Variants in REL observed in about 807,000 individuals in gnomAD.
The protein encoded by REL is proto-oncogene c-Rel.
REL carries 15 observed loss-of-function variants against 45.9 expected under a neutral mutation model. The ratio of observed to expected loss-of-function variants is 0.33; its 90% CI spans 0.22 to 0.50. REL has a LOEUF of 0.50. REL is among the 20% of genes least tolerant of loss of function. The probability of loss-of-function intolerance (pLI) is 0.98; values close to 1 mark genes in which losing one functional copy is unlikely to be tolerated. For missense variants in REL, 601 were observed against 715.2 expected, an observed-to-expected ratio of 0.84 and a Z score of 1.82; for synonymous variants, 239 against 242.1, an observed-to-expected ratio of 0.99 and a Z score of 0.12.
At chr2:60,921,249 ATTTT>A (rs1249667184) in intron 9 of REL, among the ~76,000 whole-genome samples, 1 of 151,968 alleles carries the variant, frequency 6.6e-6, no homozygotes, top group Non-Finnish European at 1.5e-5. Flanking sequence ...TACAGAATTA[ATTTT>A]TTCTGTAATT....
intron 4 of REL, among the ~76,000 whole-genome samples, chr2:60,904,623 T>C (rs1673592827): frequency 6.7e-6 from 1 of 148,198 alleles, no homozygotes; most frequent in African/African-American, 2.5e-5. Flanking sequence ...CACGGTGTCT[T>C]ATGCCTGTAA....
At chr2:60,909,888 C>A (rs1367838397) in intron 4 of REL, among the ~76,000 whole-genome samples, 1 of 151,830 alleles carries the variant, frequency 6.6e-6, no homozygotes, top group Non-Finnish European at 1.5e-5. Context: ...GGCGACAGAG[C>A]AAGACTCCAT....
chr2:60,895,365 A>G (rs1311901587), intron 3 of REL, among the ~76,000 whole-genome samples: 2 of 151,664 alleles, frequency 1.3e-5, no homozygotes, highest in African/African-American at 4.9e-5. Flanking sequence ...TATTTTTTGT[A>G]GAGATGGGGT....
At chr2:60,919,521 G>T (rs968311284) in intron 7 of REL, among the ~76,000 whole-genome samples, 10 of 152,272 alleles carry the variant, frequency 6.6e-5, no homozygotes, top group African/African-American at 2.4e-4. Context: ...TGCCTCCTGG[G>T]TTCAAGCAAT....
At chr2:60,901,336 A>G (rs955707044) in intron 4 of REL, among the ~76,000 whole-genome samples, 1 of 151,492 alleles carries the variant, frequency 6.6e-6, no homozygotes, top group Non-Finnish European at 1.5e-5. Flanking sequence ...TAATTTTTGT[A>G]TTTTAAGTAG....
intron 2 of REL, among the ~76,000 whole-genome samples, chr2:60,892,285 T>C (rs1396215435): frequency 6.6e-6 from 1 of 152,228 alleles, no homozygotes; most frequent in Admixed American, 6.5e-5. Flanking sequence ...CTTTATTGCT[T>C]GTCTCTGATT....
At position 60,928,147 on chromosome 2, in the gene REL, GTC is replaced by G. The variant is rs1382215396; in HGVS notation, c.*5616_*5617del. 6.6e-6 allele frequency: 1 copy of G among 152,616 alleles called. No homozygotes were observed. Among genetic ancestry groups the G allele is most frequent in the Non-Finnish European group, 1.4e-5 (1 of 73,800 alleles). 9.5% of individuals were successfully genotyped at this position (152,616 alleles called of 1,614,324 possible). On this transcript the variant is annotated 3_prime_UTR_variant, in exon 10 of 10. Coordinates refer to ENST00000394479, the MANE Select transcript of REL (RefSeq NM_001291746.2). ...AGCCTGGGTAATATAAGGAAAACCT[GTC>G]TCTGCAAAAAAAAAAAAAAAAAGAG... is the stretch of plus-strand genomic sequence containing the variant.
At position 60,894,419 on chromosome 2, in the gene REL, G is replaced by T. The variant is rs767728453; in HGVS notation, c.176G>T (p.Gly59Val). 1.3e-6 allele frequency: 2 copies of T among 1,568,184 alleles called. No individual in the cohort carries two copies. Among genetic ancestry groups the T allele is most frequent in the East Asian group, 4.6e-5 (2 of 43,780 alleles). Residue 59 changes from glycine (G) to valine (V), a missense_variant, in exon 3 of 10, where the codon GGA becomes GTA. Around this residue, in one of 4 missense-constraint regions of REL, gnomAD observed 241 missense variants for 347.0 expected, o/e 0.69. Transcript: ENST00000394479. ...CAGATTATGAACTATTATGGAAAAG[G>T]AAAAGTGAGAATTACATTAGTAACA... ...SIQIMNYYGK[G>V]KVRITLVTKN...
chr2:60,890,007 C>G (rs1356930196), intron 1 of REL, among the ~76,000 whole-genome samples: 1 of 152,152 alleles, frequency 6.6e-6, no homozygotes, highest in Non-Finnish European at 1.5e-5. Flanking sequence ...AGTTCTAGAT[C>G]CCTGAGGAAT....
intron 4 of REL, among the ~76,000 whole-genome samples, chr2:60,916,461 A>G (rs1011573839): frequency 6.6e-6 from 1 of 152,210 alleles, no homozygotes; most frequent in Non-Finnish European, 1.5e-5. Context: ...ATGGGGATGA[A>G]AGTAATTCTT....
chr2:60,910,254 A>C (rs1673774355), intron 4 of REL, among the ~76,000 whole-genome samples: 1 of 152,034 alleles, frequency 6.6e-6, no homozygotes, highest in African/African-American at 2.4e-5. Context: ...TCACGAGTTC[A>C]GGAGATCAAG....
At chr2:60,910,349 C>T (rs1178177200) in intron 4 of REL, among the ~76,000 whole-genome samples, 1 of 151,134 alleles carries the variant, frequency 6.6e-6, no homozygotes, top group African/African-American at 2.4e-5. Context: ...CCTGTAGTCC[C>T]AGCTACTCGG....
At chr2:60,887,782 T>C (rs1313155164) in intron 1 of REL, among the ~76,000 whole-genome samples, 1 of 151,738 alleles carries the variant, frequency 6.6e-6, no homozygotes, top group Admixed American at 6.6e-5. Context: ...CTCAATATTA[T>C]ATGATAACTG....
At chr2:60,889,561 C>T (rs1673156665) in intron 1 of REL, among the ~76,000 whole-genome samples, 1 of 151,886 alleles carries the variant, frequency 6.6e-6, no homozygotes, top group African/African-American at 2.4e-5. Flanking sequence ...TGTGCTGCAC[C>T]CATTAACTTG....
intron 4 of REL, among the ~76,000 whole-genome samples, chr2:60,914,057 T>C (rs551352037): frequency 2.0e-5 from 3 of 152,210 alleles, no homozygotes; most frequent in Non-Finnish European, 4.4e-5. Context: ...CTGACTTCAT[T>C]TGAAACTTTG....
At chr2:60,893,173 C>CTTTTTG (rs774795979) in intron 2 of REL, among the ~76,000 whole-genome samples, 35 of 152,074 alleles carry the variant, frequency 2.3e-4, no homozygotes, top group Non-Finnish European at 4.7e-4. Context: ...AAAAGTGTTG[C>CTTTTTG]TTTTTGTTTT....
chr2:60,911,385 T>G (rs1372719321), intron 4 of REL: 1 of 152,224 alleles, frequency 6.6e-6, no homozygotes. Flanking sequence ...CCTAATATCC[T>G]GCTGTCATGA....
At chr2:60,917,166 T>C (rs1673992564) in intron 5 of REL, 149 bp downstream of exon 5, 2 of 685,492 alleles carry the variant, frequency 2.9e-6, no homozygotes, top group Non-Finnish European at 4.8e-6. Context: ...AAAGGAAATC[T>C]TCTCTAATCT....
intron 2 of REL, among the ~76,000 whole-genome samples, chr2:60,894,011 A>G (rs1313685956): frequency 1.3e-5 from 2 of 152,204 alleles, no homozygotes; most frequent in Non-Finnish European, 2.9e-5. Context: ...ATCCTTTCCA[A>G]TACGGCTTAA....
Sources: gnomAD v4.1 joint callset for allele counts (sites outside exome capture counted in the v4.1 genomes callset) on GRCh38, gnomAD v4.1.1 for gene constraint, gnomAD v4.1.1 regional missense constraint, MANE v1.5 for transcripts, NCBI Gene and HGNC (gene_info 2026-07-23, HGNC 2026-07-21) for gene names.